Variants in TOPAZ1 observed in about 807,000 individuals in gnomAD.
The protein encoded by TOPAZ1 is protein TOPAZ1.
In TOPAZ1, 66 loss-of-function variants were observed where a neutral mutation model predicts 172.2. The ratio of observed to expected loss-of-function variants is 0.38; its 90% confidence interval spans 0.31 to 0.47. TOPAZ1 has a LOEUF of 0.47. Ranked by LOEUF, TOPAZ1 falls within the 20% of genes least tolerant of loss-of-function variation. The probability of loss-of-function intolerance (pLI) is 0.99; values close to 1 mark genes in which losing one functional copy is unlikely to be tolerated. For synonymous variants in TOPAZ1, 681 were observed against 683.9 expected (o/e 1.00, Z 0.07); for missense variants, 1,822 against 1,972.4 (o/e 0.92, Z 1.44).
intron 4 of TOPAZ1, among the ~76,000 whole-genome samples, chr3:44,260,224 C>A (rs558122078): frequency 7.9e-5 from 12 of 152,262 alleles, no homozygotes; most frequent in Admixed American, 4.6e-4. Flanking sequence ...TTTATAGTAG[C>A]ATGAAAACGG....
chr3:44,310,087 A>G, intron 16 of TOPAZ1, 97 bp downstream of exon 16: 3 of 1,181,382 alleles, frequency 2.5e-6, no homozygotes, highest in Non-Finnish European at 3.5e-6. Context: ...ACTGTGGTTA[A>G]TAGTTTGGTC....
chr3:44,252,347 C>G (rs9311352), intron 2 of TOPAZ1, among the ~76,000 whole-genome samples: 72,662 of 152,078 alleles, frequency 0.48, 18,244 homozygotes, highest in East Asian at 0.81. Flanking sequence ...TGAGCTCCTG[C>G]TTAATCTTCC....
At chr3:44,267,483 G>A (rs1699844213) in intron 6 of TOPAZ1, among the ~76,000 whole-genome samples, 1 of 151,860 alleles carries the variant, frequency 6.6e-6, no homozygotes, top group South Asian at 2.1e-4. Flanking sequence ...TTTTAGTAGA[G>A]ACGGGGTTTA....
intron 12 of TOPAZ1, among the ~76,000 whole-genome samples, chr3:44,303,299 A>G (rs10510738): frequency 0.16 from 23,693 of 152,066 alleles, 2,428 homozygotes; most frequent in African/African-American, 0.29. Flanking sequence ...TACTAGTTCA[A>G]TGACACCTTC....
At chr3:44,265,106 C>G (rs1329213002) in intron 5 of TOPAZ1, among the ~76,000 whole-genome samples, 3 of 152,132 alleles carry the variant, frequency 2.0e-5, no homozygotes, top group Admixed American at 1.3e-4. Flanking sequence ...ATGGTGAATT[C>G]TTCCTAGGTT....
At chr3:44,281,360 T>C (rs2125690754) in intron 8 of TOPAZ1, among the ~76,000 whole-genome samples, 1 of 152,344 alleles carries the variant, frequency 6.6e-6, no homozygotes. Context: ...AAACCCCTTT[T>C]CACCCTCTTA....
chr3:44,308,747 C>T (rs764137739), intron 15 of TOPAZ1, among the ~76,000 whole-genome samples: 2 of 151,992 alleles, frequency 1.3e-5, no homozygotes, highest in African/African-American at 2.4e-5. Context: ...AAAATTTTAA[C>T]TACTTTAGAA....
intron 12 of TOPAZ1, among the ~76,000 whole-genome samples, chr3:44,298,535 A>C (rs1384187384): frequency 3.9e-5 from 6 of 152,118 alleles, no homozygotes; most frequent in Admixed American, 3.9e-4. Flanking sequence ...GTAATCAAGT[A>C]ATTAAGAAAG....
At position 44,290,896 on chromosome 3, in the gene TOPAZ1, A is replaced by G. The variant is rs1300536601; in HGVS notation, c.3797+10A>G. On this transcript the variant is annotated intron_variant, in intron 12 of 19. Transcript: ENST00000309765. The stretch of plus-strand genomic sequence containing the variant: ...TGGAAATGAAATCGAGGTGAGAAAA[A>G]TCATTATTATTTAAGCCAAAATATA... 2 of 1,516,156 alleles carry G rather than the reference A, an allele frequency of 1.3e-6. No individual in the cohort carries two copies. Among genetic ancestry groups the G allele is most frequent in the Non-Finnish European group, 1.8e-6 (2 of 1,121,386 alleles). 93.9% of individuals were successfully genotyped at this position (1,516,156 alleles called of 1,614,324 possible).
intron 6 of TOPAZ1, 131 bp downstream of exon 6, chr3:44,267,267 G>T: frequency 3.1e-6 from 2 of 647,346 alleles, no homozygotes; most frequent in Non-Finnish European, 4.6e-6. Context: ...AAATTAGAAG[G>T]TTTGTGCACC....
At chr3:44,290,332 C>T (rs556162775) in intron 11 of TOPAZ1, among the ~76,000 whole-genome samples, 2 of 152,102 alleles carry the variant, frequency 1.3e-5, no homozygotes, top group African/African-American at 4.8e-5. Context: ...TTTTTAATTA[C>T]GTGCTATGTT....
chr3:44,269,568 T>G (rs1295099382), intron 7 of TOPAZ1, among the ~76,000 whole-genome samples: 3 of 130,614 alleles, frequency 2.3e-5, no homozygotes, highest in Non-Finnish European at 4.7e-5. Context: ...TCACTGCCCC[T>G]TAAAAAAAAA....
intron 18 of TOPAZ1, among the ~76,000 whole-genome samples, chr3:44,327,688 T>C (rs558284704): frequency 6.6e-6 from 1 of 152,274 alleles, no homozygotes; most frequent in Admixed American, 6.5e-5. Flanking sequence ...TCATTTGCCA[T>C]GATAAGGCCC....
intron 18 of TOPAZ1, among the ~76,000 whole-genome samples, chr3:44,326,815 A>C (rs1389505406): frequency 6.6e-6 from 1 of 152,212 alleles, no homozygotes; most frequent in East Asian, 1.9e-4. Context: ...CTTTCTCCCC[A>C]AAATCAAATG....
At chr3:44,258,978 G>A (rs760611772) in intron 4 of TOPAZ1, among the ~76,000 whole-genome samples, 32 of 152,136 alleles carry the variant, frequency 2.1e-4, no homozygotes, top group African/African-American at 6.5e-4. Flanking sequence ...TGGAATCCAC[G>A]TTACATACAT....
At chr3:44,257,801 A>G (rs1699731663) in intron 4 of TOPAZ1, among the ~76,000 whole-genome samples, 1 of 152,078 alleles carries the variant, frequency 6.6e-6, no homozygotes, top group Non-Finnish European at 1.5e-5. Context: ...AGTGTATTTT[A>G]TCAAATATGC....
At chr3:44,268,892 GT>G (rs1243177424) in intron 6 of TOPAZ1, among the ~76,000 whole-genome samples, 2 of 152,128 alleles carry the variant, frequency 1.3e-5, no homozygotes, top group Non-Finnish European at 2.9e-5. Flanking sequence ...AATGTTTATT[GT>G]GTATAATATT....
At chr3:44,251,937 A>C (rs1699637134) in intron 2 of TOPAZ1, among the ~76,000 whole-genome samples, 2 of 152,174 alleles carry the variant, frequency 1.3e-5, no homozygotes, top group African/African-American at 4.8e-5. Flanking sequence ...ATATTTGTAT[A>C]AGTTACAATT....
chr3:44,290,993 A>G (rs1700130919), intron 12 of TOPAZ1, 107 bp downstream of exon 12: 5 of 677,038 alleles, frequency 7.4e-6, no homozygotes, highest in Non-Finnish European at 1.2e-5. Flanking sequence ...AAACATTTAG[A>G]TAGTGGCCTG....
Sources: allele counts gnomAD v4.1 joint callset (sites outside exome capture counted in the v4.1 genomes callset), GRCh38; gene constraint gnomAD v4.1.1; transcripts MANE v1.5; gene names NCBI Gene and HGNC (gene_info 2026-07-23, HGNC 2026-07-21).